Variants in NELL1 observed in about 807,000 individuals in gnomAD.
The protein encoded by NELL1 is neural EGFL like 1.
Under a neutral mutation model 107.4 loss-of-function variants are expected in NELL1, and 76 were observed. That is an observed-to-expected ratio of 0.71 (90% CI 0.59 to 0.86). The LOEUF (loss-of-function observed/expected upper bound fraction) is 0.86. Ranked by LOEUF, NELL1 falls within the 40% of genes least tolerant of loss-of-function variation. The pLI, the probability that NELL1 is intolerant of heterozygous loss-of-function variation, is 0.00. For missense variants in NELL1, 1,024 were observed against 1,005.5 expected (o/e 1.02, Z -0.25); for synonymous variants, 353 against 341.2 (o/e 1.03, Z -0.38).
chr11:21,262,246 G>A (rs775617690), intron 14 of NELL1, among the ~76,000 whole-genome samples: 5 of 151,662 alleles, frequency 3.3e-5, no homozygotes, highest in South Asian at 4.2e-4. Context: ...TGATTTCCAG[G>A]TTCACTGTGT....
intron 12 of NELL1, among the ~76,000 whole-genome samples, chr11:21,097,781 G>A (rs1336694924): frequency 2.6e-5 from 4 of 152,134 alleles, no homozygotes; most frequent in Non-Finnish European, 5.9e-5. Flanking sequence ...CTTACAATGT[G>A]TTAAAACTGC....
chr11:21,428,589 A>C (rs923856991), intron 15 of NELL1, among the ~76,000 whole-genome samples: 9 of 152,294 alleles, frequency 5.9e-5, no homozygotes, highest in African/African-American at 2.2e-4. Context: ...TTTACTCAAA[A>C]GAAAAACCTC....
intron 15 of NELL1, chr11:21,383,821 A>T (rs1851672728): frequency 6.6e-6 from 1 of 151,750 alleles, no homozygotes. Context: ...ACCCAATATT[A>T]CTAACTAATC....
chr11:21,165,664 A>G (rs1856463540), intron 13 of NELL1, among the ~76,000 whole-genome samples: 1 of 149,858 alleles, frequency 6.7e-6, no homozygotes, highest in African/African-American at 2.5e-5. Context: ...AAGATTTGGA[A>G]GATACCTAAG....
At chr11:21,323,232 AG>A (rs1480892505) in intron 14 of NELL1, among the ~76,000 whole-genome samples, 2 of 152,200 alleles carry the variant, frequency 1.3e-5, no homozygotes, top group Non-Finnish European at 2.9e-5. Flanking sequence ...TGAGGCTGAA[AG>A]CTCTAAACAC....
At chr11:21,351,991 C>G (rs1850828125) in intron 14 of NELL1, among the ~76,000 whole-genome samples, 2 of 152,114 alleles carry the variant, frequency 1.3e-5, no homozygotes, top group Non-Finnish European at 2.9e-5. Context: ...TACAACTCAG[C>G]CTCTGACTCA....
At chr11:21,180,820 C>A (rs1361414618) in intron 13 of NELL1, among the ~76,000 whole-genome samples, 1 of 151,390 alleles carries the variant, frequency 6.6e-6, no homozygotes, top group Non-Finnish European at 1.5e-5. Context: ...TCTGAACATC[C>A]AACTCTTTTA....
chr11:21,316,170 A>G (rs2133656371), intron 14 of NELL1, among the ~76,000 whole-genome samples: 1 of 152,096 alleles, frequency 6.6e-6, no homozygotes, highest in East Asian at 1.9e-4. Flanking sequence ...CCCTTCCATC[A>G]CCACAGCTAA....
In NELL1 at chr11:20,743,223, G is replaced by A. The variant is rs144600041; in HGVS notation, c.185-40457G>A. On this transcript the variant is annotated intron_variant, in intron 2 of 19. Transcript: ENST00000357134. ...ACAAAGATTAGCCAGGTGTGATGGC[G>A]CACACCTGTAATCCTAGCTACTTGG... is the stretch of plus-strand genomic sequence containing the variant. 1.2e-3 allele frequency among the ~76,000 whole-genome samples: 178 copies of A among 152,058 alleles called. 1 individual carries two copies. The highest frequency in any genetic ancestry group is 4.0e-3 in the African/African-American group (167 of 41,492).
At chr11:21,402,881 C>G (rs559377348) in intron 15 of NELL1, among the ~76,000 whole-genome samples, 1 of 151,804 alleles carries the variant, frequency 6.6e-6, no homozygotes, top group African/African-American at 2.4e-5. Flanking sequence ...TGAAACAGAG[C>G]TGAATATTGC....
chr11:21,027,171 A>G (rs1361466550), intron 12 of NELL1, among the ~76,000 whole-genome samples: 1 of 152,188 alleles, frequency 6.6e-6, no homozygotes, highest in Non-Finnish European at 1.5e-5. Context: ...ACTTTGTTCT[A>G]GTTCTGGCAA....
At chr11:20,731,741 G>T (rs1191972719) in intron 2 of NELL1, among the ~76,000 whole-genome samples, 1 of 152,078 alleles carries the variant, frequency 6.6e-6, no homozygotes, top group East Asian at 1.9e-4. Flanking sequence ...CACCTCACAG[G>T]GTTACTATAA....
rs1351329208 is a variant in NELL1, at chr11:21,397,857, G to A, written c.1645+26909G>A. On this transcript the variant is annotated intron_variant, in intron 15 of 19. Transcript: ENST00000357134. ...CTGCCCTTATATTAGAGGCCCAAGG[G>A]AGACTTCTTTTCCTTCCACCATGTG... is the stretch of plus-strand genomic sequence containing the variant. Among the ~76,000 whole-genome samples the A allele has an allele frequency of 2.0e-5, 3 of 151,428 alleles. No individual in the cohort carries two copies. In the East Asian group the frequency reaches 5.9e-4, roughly 30 times the overall value.
intron 4 of NELL1, among the ~76,000 whole-genome samples, chr11:20,858,641 G>A (rs1462473190): frequency 6.6e-6 from 1 of 152,196 alleles, no homozygotes; most frequent in African/African-American, 2.4e-5. Flanking sequence ...CAACACCCCT[G>A]AAGGCAGAGG....
intron 12 of NELL1, among the ~76,000 whole-genome samples, chr11:20,974,252 C>G (rs1357429933): frequency 6.6e-6 from 1 of 152,138 alleles, no homozygotes; most frequent in African/African-American, 2.4e-5. Context: ...GTTTTTCTTG[C>G]TAAAAAAGGA....
intron 2 of NELL1, among the ~76,000 whole-genome samples, chr11:20,716,611 A>G (rs1238634335): frequency 6.6e-6 from 1 of 152,172 alleles, no homozygotes; most frequent in Non-Finnish European, 1.5e-5. Flanking sequence ...ATGTGTCCAT[A>G]TACAAGATAG....
At chr11:20,995,126 G>C (rs55634942) in intron 12 of NELL1, among the ~76,000 whole-genome samples, 8 of 149,474 alleles carry the variant, frequency 5.4e-5, no homozygotes, top group Non-Finnish European at 1.0e-4. Flanking sequence ...TAATTTTCTG[G>C]TTTTTTTTTT....
chr11:20,915,107 A>G (rs1011430196), intron 5 of NELL1, among the ~76,000 whole-genome samples: 2 of 152,036 alleles, frequency 1.3e-5, no homozygotes, highest in African/African-American at 4.8e-5. Context: ...ACTAAGATGA[A>G]AATCTATTAT....
chr11:20,994,403 C>T (rs1817294936), intron 12 of NELL1, among the ~76,000 whole-genome samples: 1 of 152,210 alleles, frequency 6.6e-6, no homozygotes, highest in African/African-American at 2.4e-5. Context: ...CTTCTACTGG[C>T]TCACAATAGC....
Sources: allele counts gnomAD v4.1 joint callset (sites outside exome capture counted in the v4.1 genomes callset), GRCh38; gene constraint gnomAD v4.1.1; transcripts MANE v1.5; gene names NCBI Gene and HGNC (gene_info 2026-07-23, HGNC 2026-07-21).